CDC42BPA: variants seen among roughly 807,000 people sequenced by gnomAD.
The protein encoded by CDC42BPA is CDC42 binding protein kinase alpha, also known as serine/threonine-protein kinase MRCK alpha.
CDC42BPA carries 80 observed loss-of-function variants against 223.5 expected under a neutral mutation model. The ratio of observed to expected loss-of-function variants is 0.36; its 90% CI spans 0.30 to 0.43. The LOEUF (loss-of-function observed/expected upper bound fraction) is 0.43. Among genes scored for constraint, CDC42BPA ranks in the 20% least tolerant of loss-of-function variants. The pLI, the probability that CDC42BPA is intolerant of heterozygous loss-of-function variation, is 1.00. For missense variants in CDC42BPA, 1,743 were observed against 2,099.9 expected, an observed-to-expected ratio of 0.83 and a Z score of 3.32; for synonymous variants, 694 against 718.6, an observed-to-expected ratio of 0.97 and a Z score of 0.55.
chr1:227,302,576 T>C (rs1157127138), intron 1 of CDC42BPA, among the ~76,000 whole-genome samples: 1 of 152,194 alleles, frequency 6.6e-6, no homozygotes, highest in Non-Finnish European at 1.5e-5. Flanking sequence ...TTGCAAAATA[T>C]ATTGATTCTG....
At chr1:227,219,616 A>G (rs931146663) in intron 2 of CDC42BPA, among the ~76,000 whole-genome samples, 7 of 152,198 alleles carry the variant, frequency 4.6e-5, no homozygotes, top group African/African-American at 1.4e-4. Context: ...AAGAAAGAGC[A>G]TAACTGATAG....
chr1:227,173,210 A>C (rs952298748), intron 5 of CDC42BPA, among the ~76,000 whole-genome samples: 1 of 152,192 alleles, frequency 6.6e-6, no homozygotes, highest in East Asian at 1.9e-4. Context: ...ATACATTCAA[A>C]CCGATACTAT....
chr1:227,228,818 T>C (rs1214511471), intron 2 of CDC42BPA, among the ~76,000 whole-genome samples: 1 of 152,208 alleles, frequency 6.6e-6, no homozygotes, highest in East Asian at 1.9e-4. Context: ...TGTCCATATG[T>C]ATAACTTCTT....
intron 2 of CDC42BPA, among the ~76,000 whole-genome samples, chr1:227,228,175 G>A (rs1677186309): frequency 6.6e-6 from 1 of 152,212 alleles, no homozygotes; most frequent in Admixed American, 6.5e-5. Context: ...AATGCATGTG[G>A]AGCTTAATCA....
intron 21 of CDC42BPA, among the ~76,000 whole-genome samples, chr1:227,065,528 C>T (rs1373102339): frequency 6.6e-6 from 1 of 152,200 alleles, no homozygotes; most frequent in Non-Finnish European, 1.5e-5. Flanking sequence ...AACAATGTGA[C>T]TTAAAAAGGA....
At position 227,005,904 on chromosome 1, in the gene CDC42BPA, G is replaced by A. The variant is rs530468505; in HGVS notation, c.4858-793C>T. Among the ~76,000 whole-genome samples the A allele has an allele frequency of 2.6e-5, 4 of 152,354 alleles. No individual in the cohort carries two copies. In the East Asian group the frequency reaches 7.7e-4, roughly 29 times the overall value. ...ACGCCTAAAGGATAGCCACATAGGT[G>A]GTGTGCAGGGTGAGCTGTCTGATTA... On this transcript the variant is annotated intron_variant, in intron 34 of 36. Transcript: ENST00000366766.
Position 227,102,145 on chromosome 1 carries a change from A to G in CDC42BPA, c.2002-906T>C, listed in dbSNP as rs117759115. ...TGTATTCTTTTTTGAAGTCAGTCAT[A>G]AGGGCAATAAAAACTGGTAAGCGTA... is the stretch of plus-strand genomic sequence containing the variant. On this transcript the variant is annotated intron_variant, in intron 14 of 36. Transcript: ENST00000366766. 2.2e-3 allele frequency among the ~76,000 whole-genome samples: 329 copies of G among 152,292 alleles called. 8 individuals carry two copies. In the East Asian group the frequency reaches 0.044, roughly 21 times the overall value.
At chr1:227,221,064 C>G (rs1675815049) in intron 2 of CDC42BPA, among the ~76,000 whole-genome samples, 1 of 152,184 alleles carries the variant, frequency 6.6e-6, no homozygotes, top group Non-Finnish European at 1.5e-5. Flanking sequence ...CTATTTCACT[C>G]TACTAGACTG....
intron 34 of CDC42BPA, among the ~76,000 whole-genome samples, chr1:227,013,650 T>C (rs1665648600): frequency 6.6e-6 from 1 of 152,106 alleles, no homozygotes; most frequent in Admixed American, 6.5e-5. Context: ...TCTACAAACA[T>C]TTTCTATACT....
chr1:227,186,482 G>A (rs548062474), intron 5 of CDC42BPA, among the ~76,000 whole-genome samples: 1 of 152,218 alleles, frequency 6.6e-6, no homozygotes, highest in East Asian at 1.9e-4. Flanking sequence ...GCACCTTCTA[G>A]CCATCCTGTC....
intron 23 of CDC42BPA, among the ~76,000 whole-genome samples, chr1:227,047,609 T>C (rs1335829804): frequency 6.6e-6 from 1 of 152,198 alleles, no homozygotes; most frequent in African/African-American, 2.4e-5. Flanking sequence ...TCTTTCTCAC[T>C]GGTTTATTGA....
At chr1:227,073,140 C>T (rs1678763075) in intron 19 of CDC42BPA, among the ~76,000 whole-genome samples, 2 of 152,058 alleles carry the variant, frequency 1.3e-5, no homozygotes, top group Admixed American at 1.3e-4. Flanking sequence ...GCTTTTGGAA[C>T]TTTTGGTATT....
intron 4 of CDC42BPA, among the ~76,000 whole-genome samples, chr1:227,194,403 C>T (rs528152579): frequency 2.6e-5 from 4 of 152,222 alleles, no homozygotes; most frequent in East Asian, 1.9e-4. Flanking sequence ...TTTATTAGAA[C>T]CAGCATCAGC....
intron 19 of CDC42BPA, among the ~76,000 whole-genome samples, chr1:227,072,958 T>C (rs1678709559): frequency 6.6e-6 from 1 of 152,138 alleles, no homozygotes; most frequent in Non-Finnish European, 1.5e-5. Flanking sequence ...AAGTAAAACA[T>C]ACAATGTCTG....
intron 22 of CDC42BPA, among the ~76,000 whole-genome samples, chr1:227,049,411 T>C (rs1389257923): frequency 6.6e-6 from 1 of 152,060 alleles, no homozygotes; most frequent in South Asian, 2.1e-4. Flanking sequence ...TGAAACTTTA[T>C]TGAAGGATAT....
intron 5 of CDC42BPA, chr1:227,180,307 C>T (rs1667726654): frequency 6.6e-6 from 1 of 151,982 alleles, no homozygotes; most frequent in East Asian, 1.9e-4. Context: ...ACTATTTCCA[C>T]TAAGAACTTT....
chr1:227,172,732 T>C (rs1666311506), intron 5 of CDC42BPA, among the ~76,000 whole-genome samples: 1 of 152,072 alleles, frequency 6.6e-6, no homozygotes, highest in South Asian at 2.1e-4. Flanking sequence ...TTTCCTGTGA[T>C]TCCAAACTTA....
intron 6 of CDC42BPA, among the ~76,000 whole-genome samples, chr1:227,156,065 T>C (rs1276945150): frequency 6.6e-6 from 1 of 151,956 alleles, no homozygotes; most frequent in East Asian, 1.9e-4. Flanking sequence ...AATAAGACAA[T>C]AAAATCTAAA....
rs1308683452 is a variant in CDC42BPA, at chr1:227,030,393, A to G, written c.3838+15T>C. The stretch of plus-strand genomic sequence containing the variant: ...CGATTTAAAATTACTCCAAAAAAAA[A>G]AAGTTTTCTCTTACCATCTTTGGTG... On this transcript the variant is annotated intron_variant, in intron 29 of 36. Coordinates refer to ENST00000366766, the MANE Select transcript of CDC42BPA (RefSeq NM_001394014.1). 9 of 1,551,502 alleles carry G rather than the reference A, an allele frequency of 5.8e-6. No individual in the cohort carries two copies. Among genetic ancestry groups the G allele is most frequent in the Non-Finnish European group, 7.9e-6 (9 of 1,142,088 alleles).
Sources: gnomAD v4.1 joint callset for allele counts (sites outside exome capture counted in the v4.1 genomes callset) on GRCh38, gnomAD v4.1.1 for gene constraint, MANE v1.5 for transcripts, NCBI Gene and HGNC (gene_info 2026-07-23, HGNC 2026-07-21) for gene names.